MRM3: variants seen among roughly 807,000 people sequenced by gnomAD.
The protein encoded by MRM3 is rRNA methyltransferase 3, mitochondrial.
MRM3 carries 26 observed loss-of-function variants against 29.4 expected under a neutral mutation model. The observed-to-expected ratio is 0.89, with a 90% CI of 0.65 to 1.23. The LOEUF (loss-of-function observed/expected upper bound fraction) is 1.23. Ranked by LOEUF, MRM3 falls within the 50% of genes most tolerant of loss-of-function variation. The pLI is 0.00. For missense variants in MRM3, 578 were observed against 540.2 expected, an observed-to-expected ratio of 1.07 and a Z score of -0.69; for synonymous variants, 225 against 219.0, an observed-to-expected ratio of 1.03 and a Z score of -0.24.
chr17:783,898 A>G (rs1050312667), intron 2 of MRM3, among the ~76,000 whole-genome samples: 1 of 152,172 alleles, frequency 6.6e-6, no homozygotes, highest in African/African-American at 2.4e-5. Context: ...TCTATGTCAG[A>G]TTAAAAATTA....
chr17:788,381 C>G (rs1278542787), intron 3 of MRM3, among the ~76,000 whole-genome samples: 1 of 151,302 alleles, frequency 6.6e-6, no homozygotes, highest in Non-Finnish European at 1.5e-5. Context: ...CATCACATGT[C>G]AAGTGAGCTC....
At position 782,766 on chromosome 17, in the gene MRM3, C is replaced by T. The variant is rs191360526; in HGVS notation, c.314+74C>T. ...GCACAGCGGAACCTTAACCTCCTTCCGATGGAGGACTTCTTCCAGTACAGC... is the reference window on the plus strand; with the variant it reads ...GCACAGCGGAACCTTAACCTCCTTCTGATGGAGGACTTCTTCCAGTACAGC... On this transcript the variant is annotated intron_variant, in intron 1 of 3. Coordinates refer to ENST00000304478, the MANE Select transcript of MRM3 (RefSeq NM_018146.4). 3.0e-4 allele frequency: 424 copies of T among 1,433,976 alleles called. 2 individuals are homozygous for T. In the East Asian group the frequency reaches 6.2e-3, roughly 21 times the overall value. The allele number at this position is 1,433,976 out of a possible 1,614,324, so 88.8% of individuals were successfully genotyped here.
Position 792,109 on chromosome 17 carries a change from C to T in MRM3, c.*40C>T, listed in dbSNP as rs1910857817. ...CTTCTGCTTGAGGACGTCTGCAGCT[C>T]CTCCTACACCAGCACACTGGTGGGA... is the stretch of plus-strand genomic sequence containing the variant. On this transcript the variant is annotated 3_prime_UTR_variant, in exon 4 of 4. Transcript: ENST00000304478. 6.5e-7 allele frequency: 1 copy of T among 1,539,720 alleles called. No individual in the cohort carries two copies.
At position 791,547 on chromosome 17, in the gene MRM3, C is replaced by T. The variant is rs771678062; in HGVS notation, c.741C>T (p.Ala247=). The T allele has an allele frequency of 1.2e-6, 2 of 1,613,236 alleles. No individual in the cohort carries two copies. Among genetic ancestry groups the T allele is most frequent in the Non-Finnish European group, 8.5e-7 (1 of 1,179,300 alleles). ...TTTATTTTCCAGGCTGTGTGGATGC[C>T]TGGGAGCCCAAAGTGCTCCGGGCGG... ...KVLLTKGCVD[A]WEPKVLRAGM... is the part of the protein sequence containing the mutation. The change falls in exon 4 of 4, where the codon GCC becomes GCT. Residue 247 remains alanine, a synonymous_variant. Transcript: ENST00000304478.
chr17:788,691 A>G (rs1399968761), intron 3 of MRM3, among the ~76,000 whole-genome samples: 1 of 151,908 alleles, frequency 6.6e-6, no homozygotes, highest in Admixed American at 6.6e-5. Flanking sequence ...TGCCTTCACT[A>G]GCTGTGGTCC....
chr17:786,557 G>C (rs1462930578), intron 2 of MRM3, among the ~76,000 whole-genome samples: 2 of 152,130 alleles, frequency 1.3e-5, no homozygotes, highest in South Asian at 2.1e-4. Flanking sequence ...TTACAGGCAT[G>C]AGCTACCGTG....
chr17:786,087 G>A (rs1910518205), intron 2 of MRM3, among the ~76,000 whole-genome samples: 1 of 152,150 alleles, frequency 6.6e-6, no homozygotes, highest in Non-Finnish European at 1.5e-5. Context: ...GTTTGAGCTG[G>A]AAAACAGGTT....
Position 782,698 on chromosome 17 carries a change from GT to G in MRM3, c.314+7del, listed in dbSNP as rs1443748819. 2 of 1,593,808 alleles carry G rather than the reference GT, an allele frequency of 1.3e-6. No individual in the cohort carries two copies. Among genetic ancestry groups the G allele is most frequent in the Admixed American group, 1.7e-5 (1 of 59,010 alleles). On this transcript the variant is annotated splice_region_variant and intron_variant, in intron 1 of 3. Transcript: ENST00000304478. ...CCCGGGGACAGGAGGCTGAGGTGATGTGGTTCTTGAGCCTGTCGAATGTTCT... is the reference window on the plus strand; with the variant it reads ...CCCGGGGACAGGAGGCTGAGGTGATGGGTTCTTGAGCCTGTCGAATGTTCT...
At chr17:790,666 C>G (rs1215708807) in intron 3 of MRM3, 1 of 124,598 alleles carries the variant, frequency 8.0e-6, no homozygotes, top group East Asian at 2.6e-4. Context: ...GCCACCACAC[C>G]CCCACCCGCT....
rs1282425480 is a variant in MRM3, at chr17:788,088, G to A, written c.683G>A (p.Arg228Lys). ...CCTGGGAACCTGGGGACAATTCTGA[G>A]ATCTGCAGCTGGGGCAGGCTGCAGC... ...RDPGNLGTIL[R>K]SAAGAGCSKV... Residue 228 changes from arginine to lysine, a missense_variant, in exon 3 of 4, where the codon AGA (arginine) becomes AAA (lysine). Transcript: ENST00000304478. 3.1e-6 allele frequency: 5 copies of A among 1,614,064 alleles called. No homozygotes were observed. The highest frequency in any genetic ancestry group is 3.3e-5 in the Admixed American group (2 of 59,996).
chr17:788,272 A>T, intron 3 of MRM3, 140 bp downstream of exon 3: 1 of 790,404 alleles, frequency 1.3e-6, no homozygotes, highest in Non-Finnish European at 2.0e-6. Flanking sequence ...TACAAAAAAA[A>T]CTACAATTAG....
intron 3 of MRM3, among the ~76,000 whole-genome samples, chr17:788,657 C>A (rs565099650): frequency 6.6e-6 from 1 of 152,168 alleles, no homozygotes; most frequent in African/African-American, 2.4e-5. Context: ...TCTGGGCAGG[C>A]AGACATGCAT....
intron 3 of MRM3, chr17:790,507 G>A (rs992122500): frequency 9.9e-6 from 2 of 202,376 alleles, no homozygotes; most frequent in African/African-American, 2.4e-5. Flanking sequence ...CAGCCCCAGC[G>A]CTGATTGACC....
chr17:791,034 G>A (rs1436559029), intron 3 of MRM3, among the ~76,000 whole-genome samples: 1 of 152,122 alleles, frequency 6.6e-6, no homozygotes, highest in Non-Finnish European at 1.5e-5. Context: ...GGCTCACCAT[G>A]CTTGCAGTCC....
intron 3 of MRM3, chr17:790,374 C>T (rs1462716885): frequency 6.4e-6 from 1 of 157,338 alleles, no homozygotes; most frequent in African/African-American, 2.4e-5. Flanking sequence ...GATTCTGTCA[C>T]TGCTTTGCTT....
chr17:784,633 G>T (rs1325903101), intron 2 of MRM3, among the ~76,000 whole-genome samples: 1 of 152,116 alleles, frequency 6.6e-6, no homozygotes, highest in African/African-American at 2.4e-5. Context: ...ATCATTTCCT[G>T]GCTTATCCTT....
intron 2 of MRM3, among the ~76,000 whole-genome samples, chr17:784,502 T>C (rs184343407): frequency 6.6e-6 from 1 of 152,220 alleles, no homozygotes; most frequent in East Asian, 1.9e-4. Context: ...GAACTTGTGC[T>C]TGTCACTTGG....
chr17:791,740 C>T lies in MRM3; in HGVS notation c.934C>T (p.Arg312Ter), dbSNP rs572722295. ...ASDHGWVCDQ[R>*]VMKFHKYEEE... ...TGACCATGGCTGGGTGTGTGATCAA[C>T]GAGTGATGAAGTTTCACAAGTATGA... Residue 312 changes from arginine to a stop codon, truncating the protein, a stop_gained, in exon 4 of 4, where the codon CGA becomes TGA. Transcript: ENST00000304478. LOFTEE classifies it high-confidence loss of function. 6.2e-7 allele frequency: 1 copy of T among 1,614,166 alleles called. No homozygotes were observed. Among genetic ancestry groups the T allele is most frequent in the South Asian group, 1.1e-5 (1 of 91,086 alleles).
Position 792,028 on chromosome 17 carries a change from G to A in MRM3, c.1222G>A (p.Gly408Arg). The change falls in exon 4 of 4, where the codon GGG becomes AGG. Residue 408 changes from glycine (G) to arginine (R), a missense_variant. Coordinates refer to ENST00000304478, the MANE Select transcript of MRM3 (RefSeq NM_018146.4). The part of the protein sequence containing the change: ...LLFEGKRQLR[G>R]RAEDLSRDRS... ...TTTCGAAGGGAAAAGACAGCTGCGG[G>A]GGAGGGCGGAGGACTTGAGCAGGGA... The A allele has an allele frequency of 3.1e-6, 5 of 1,613,008 alleles. No homozygotes were observed. Among genetic ancestry groups the A allele is most frequent in the East Asian group, 2.2e-5 (1 of 44,876 alleles).
Sources: gnomAD v4.1 joint callset for allele counts (sites outside exome capture counted in the v4.1 genomes callset) on GRCh38, gnomAD v4.1.1 for gene constraint, MANE v1.5 for transcripts, NCBI Gene and HGNC (gene_info 2026-07-23, HGNC 2026-07-21) for gene names.